Variants in C3orf22 observed in about 807,000 individuals in gnomAD.
C3orf22 encodes uncharacterized protein C3orf22.
In C3orf22, 7 loss-of-function variants were observed where a neutral mutation model predicts 10.8. The ratio of observed to expected loss-of-function variants is 0.65; its 90% CI spans 0.37 to 1.22. The LOEUF (loss-of-function observed/expected upper bound fraction) is 1.22. C3orf22 is among the 50% of genes most tolerant of loss of function. C3orf22 has a pLI of 0.02. For missense variants in C3orf22, 173 were observed against 177.0 expected, an observed-to-expected ratio of 0.98 and a Z score of 0.13; for synonymous variants, 79 against 78.9, an observed-to-expected ratio of 1.00 and a Z score of 0.00.
chr3:126,543,754 GTGTA>G (rs1937023013), intron 4 of C3orf22, among the ~76,000 whole-genome samples: 2 of 152,248 alleles, frequency 1.3e-5, no homozygotes, highest in East Asian at 3.9e-4. Flanking sequence ...TTGTGTGTAT[GTGTA>G]TGTGTGAATG....
rs1370426106 is a variant in C3orf22, at chr3:126,539,810, C to T, written c.286+9727G>A. Among the ~76,000 whole-genome samples the T allele has an allele frequency of 1.4e-3, 148 of 106,436 alleles. 3 individuals are homozygous for T. The highest frequency in any genetic ancestry group is 5.0e-3 in the African/African-American group (127 of 25,192). The allele number at this position is 106,436 out of a possible 152,430, so 69.8% of individuals were successfully genotyped here. On this transcript the variant is annotated intron_variant and NMD_transcript_variant, in intron 4 of 5. Coordinates refer to the C3orf22 transcript ENST00000505070. The stretch of plus-strand genomic sequence containing the variant: ...CACACACCACAGACACCACACCACA[C>T]ACCACAAACACACATACCACACACA...
At chr3:126,542,763 T>C in intron 4 of C3orf22, 2 of 818,390 alleles carry the variant, frequency 2.4e-6, no homozygotes, top group Non-Finnish European at 3.4e-6. Flanking sequence ...CAGGTGGCCC[T>C]GCACGCGTGT....
intron 4 of C3orf22, among the ~76,000 whole-genome samples, chr3:126,544,451 G>GCT (rs1285713660): frequency 6.6e-6 from 1 of 152,242 alleles, no homozygotes; most frequent in Non-Finnish European, 1.5e-5. Flanking sequence ...ACTGTTTAGA[G>GCT]ACAGGCTGAG....
rs572103273 is a variant in C3orf22, at chr3:126,530,838, G to A, written c.287-1466C>T. ...TGGTCAGTGGCCTGGAGACACAGGT[G>A]GCCCTGAACCTCCTCAGCCTCCTCT... On this transcript the variant is annotated intron_variant and NMD_transcript_variant, in intron 4 of 5. Coordinates refer to the C3orf22 transcript ENST00000505070. Among the ~76,000 whole-genome samples the A allele has an allele frequency of 9.3e-4, 141 of 152,384 alleles. 2 individuals carry two copies. In the South Asian group the frequency reaches 0.029, roughly 31 times the overall value.
chr3:126,536,153 C>T (rs1334257115), intron 4 of C3orf22: 21 of 777,352 alleles, frequency 2.7e-5, no homozygotes, highest in South Asian at 1.2e-4. Context: ...AGGCAAGATC[C>T]GGGAAGGAAA....
In C3orf22 at chr3:126,532,410, T is replaced by C. The variant is rs1936678327; in HGVS notation, c.287-3038A>G. On this transcript the variant is annotated intron_variant and NMD_transcript_variant, in intron 4 of 5. Transcript: ENST00000505070. Reference sequence around the variant, plus strand: ...GAGTTTCATAGTTTTAACTTCAATGTTTGGGGCTATGATCCATTTTGAGTT... The same window carrying C: ...GAGTTTCATAGTTTTAACTTCAATGCTTGGGGCTATGATCCATTTTGAGTT... Among the ~76,000 whole-genome samples, 4 of 152,364 alleles carry C rather than the reference T, an allele frequency of 2.6e-5. No homozygotes were observed. The South Asian group carries it at 8.3e-4, about 32-fold the overall frequency.
At chr3:126,550,716 C>T (rs533156301) in intron 3 of C3orf22, among the ~76,000 whole-genome samples, 1 of 152,374 alleles carries the variant, frequency 6.6e-6, no homozygotes, top group East Asian at 1.9e-4. Flanking sequence ...CCAATGCCCA[C>T]TCCCCCAGCC....
At position 126,556,903 on chromosome 3, in the gene C3orf22, C is replaced by T. The variant is rs377720333; in HGVS notation, c.-41+1724G>A. 8.6e-3 allele frequency among the ~76,000 whole-genome samples: 1,243 copies of T among 144,352 alleles called. 12 individuals are homozygous for T. Among genetic ancestry groups the T allele is most frequent in the African/African-American group, 0.032 (1,184 of 37,014 alleles). The allele number at this position is 144,352 out of a possible 152,430, so 94.7% of individuals were successfully genotyped here. A position where few individuals can be genotyped will look rare whatever the true frequency, so the allele number is the denominator to read the frequency against. On this transcript the variant is annotated intron_variant, in intron 1 of 3. Coordinates refer to ENST00000318225, the MANE Select transcript of C3orf22 (RefSeq NM_152533.3). The stretch of plus-strand genomic sequence containing the variant: ...ACACAGACTCACACACATGCTCAGA[C>T]TCACACACATAGACACACACAGACA...
At position 126,550,074 on chromosome 3, in the gene C3orf22, C is replaced by CGAGCCTA; in HGVS notation, c.216-3_219dup (p.Gly74Ter). ...GACGGTGATGTAAAATCTGGAGCCCCGAGCCTAGAGAAGCCACACAGAGCC... is the reference window on the plus strand; with the variant it reads ...GACGGTGATGTAAAATCTGGAGCCCCGAGCCTAGAGCCTAGAGAAGCCACACAGAGCC... On this transcript the variant is annotated stop_gained and frameshift_variant, in exon 4 of 4. Coordinates refer to ENST00000318225, the MANE Select transcript of C3orf22 (RefSeq NM_152533.3). LOFTEE classifies it low-confidence loss of function (END_TRUNC). 6.2e-7 allele frequency: 1 copy of CGAGCCTA among 1,613,742 alleles called. No homozygotes were observed. The highest frequency in any genetic ancestry group is 8.5e-7 in the Non-Finnish European group (1 of 1,179,804).
intron 4 of C3orf22, among the ~76,000 whole-genome samples, chr3:126,534,042 T>C (rs923521333): frequency 1.1e-4 from 17 of 152,200 alleles, no homozygotes; most frequent in African/African-American, 3.6e-4. Flanking sequence ...TCCTTTCTTG[T>C]TTCTTTAAGG....
chr3:126,549,127 C>A (rs754611793), downstream of C3orf22, among the ~76,000 whole-genome samples: 4 of 152,180 alleles, frequency 2.6e-5, no homozygotes, highest in Non-Finnish European at 5.9e-5. Flanking sequence ...TGTTGTAATA[C>A]AGGAATATGG....
At chr3:126,557,028 A>G (rs1025511063) in intron 1 of C3orf22, among the ~76,000 whole-genome samples, 2 of 147,130 alleles carry the variant, frequency 1.4e-5, no homozygotes, top group Admixed American at 1.4e-4. Flanking sequence ...ACAAACTCAC[A>G]TACACATACA....
intron 4 of C3orf22, chr3:126,542,628 A>C: frequency 7.1e-7 from 1 of 1,411,480 alleles, no homozygotes; most frequent in South Asian, 1.6e-5. Flanking sequence ...TTCCGACAAG[A>C]CCCCCGGGGA....
downstream of C3orf22, among the ~76,000 whole-genome samples, chr3:126,546,919 GA>G (rs1324179183): frequency 6.6e-6 from 1 of 152,210 alleles, no homozygotes; most frequent in Non-Finnish European, 1.5e-5. Context: ...GGCAAAGAGG[GA>G]ATCAACCATA....
chr3:126,534,574 G>A (rs2107566138), intron 4 of C3orf22, among the ~76,000 whole-genome samples: 1 of 150,888 alleles, frequency 6.6e-6, no homozygotes, highest in South Asian at 2.1e-4. Flanking sequence ...CCAGGAGAGA[G>A]ACACACACAG....
intron 4 of C3orf22, chr3:126,542,117 G>T: frequency 6.3e-7 from 1 of 1,577,756 alleles, no homozygotes. Context: ...CAACAAGCTC[G>T]CGCGCCCCTA....
chr3:126,548,622 C>T (rs1041301831), downstream of C3orf22, among the ~76,000 whole-genome samples: 6 of 152,222 alleles, frequency 3.9e-5, no homozygotes, highest in Admixed American at 1.3e-4. Flanking sequence ...TACTCTATCC[C>T]CAGGCAAATG....
chr3:126,535,393 G>C (rs78182716), intron 4 of C3orf22, among the ~76,000 whole-genome samples: 11 of 149,662 alleles, frequency 7.3e-5, no homozygotes, highest in South Asian at 2.1e-4. Flanking sequence ...CTGGTAGACA[G>C]ACAGACAGCA....
chr3:126,542,197 C>T (rs764873281), intron 4 of C3orf22: 3 of 1,440,664 alleles, frequency 2.1e-6, no homozygotes, highest in African/African-American at 1.5e-5. Context: ...CGCTCCCCGA[C>T]GCCCGGGCCC....
Sources: allele counts gnomAD v4.1 joint callset (sites outside exome capture counted in the v4.1 genomes callset), GRCh38; gene constraint gnomAD v4.1.1; transcripts MANE v1.5; gene names NCBI Gene and HGNC (gene_info 2026-07-23, HGNC 2026-07-21).